The following RALA variants were observed in gnomAD, a reference collection of about 807,000 sequenced individuals.
The protein encoded by RALA is RAS like proto-oncogene A.
In RALA, 5 loss-of-function variants were observed where a neutral mutation model predicts 24.0. The observed-to-expected ratio is 0.21, with a 90% confidence interval of 0.11 to 0.44. The LOEUF (loss-of-function observed/expected upper bound fraction) is 0.44, where lower values mean the gene tolerates loss of function less well. RALA is among the 20% of genes least tolerant of loss of function. The probability of loss-of-function intolerance (pLI) is 0.99; values close to 1 mark genes in which losing one functional copy is unlikely to be tolerated. For missense variants in RALA, 95 were observed against 241.2 expected (o/e 0.39, Z 4.01); for synonymous variants, 77 against 83.8 (o/e 0.92, Z 0.44).
At chr7:39,688,940 C>A (rs1792760072) in intron 2 of RALA, among the ~76,000 whole-genome samples, 1 of 152,138 alleles carries the variant, frequency 6.6e-6, no homozygotes, top group African/African-American at 2.4e-5. Flanking sequence ...AGTGCATCCT[C>A]ACATGTTGGG....
At chr7:39,683,321 T>C (rs1361518637) in intron 1 of RALA, among the ~76,000 whole-genome samples, 1 of 152,130 alleles carries the variant, frequency 6.6e-6, no homozygotes, top group Non-Finnish European at 1.5e-5. Context: ...GTACTTGTTA[T>C]TCCCTGTGTC....
intron 1 of RALA, among the ~76,000 whole-genome samples, chr7:39,644,327 C>T (rs967830366): frequency 1.3e-5 from 2 of 151,950 alleles, no homozygotes; most frequent in African/African-American, 2.4e-5. Flanking sequence ...TTCTTGCAAC[C>T]TTGGTTGAAT....
chr7:39,683,692 A>T (rs148344504), intron 1 of RALA, among the ~76,000 whole-genome samples: 135 of 152,284 alleles, frequency 8.9e-4, no homozygotes, highest in African/African-American at 3.2e-3. Flanking sequence ...TGTGCAGCTC[A>T]TAGTTATTAG....
chr7:39,675,176 G>A (rs1583738265), intron 1 of RALA, among the ~76,000 whole-genome samples: 1 of 152,140 alleles, frequency 6.6e-6, no homozygotes, highest in African/African-American at 2.4e-5. Context: ...GCTGCTCTGT[G>A]GGAATGCTTG....
Position 39,631,882 on chromosome 7 carries a change from T to G in RALA, c.-38+8057T>G, listed in dbSNP as rs1437491187. ...CATAAAGGAAAGAGATTTGTTTGGC[T>G]TACGGTTCTGCAGGCTGTACTGGCA... On this transcript the variant is annotated intron_variant, in intron 1 of 4. Transcript: ENST00000005257. 2.0e-5 allele frequency among the ~76,000 whole-genome samples: 3 copies of G among 152,216 alleles called. No individual in the cohort carries two copies. The South Asian group carries it at 6.2e-4, about 31-fold the overall frequency.
intron 1 of RALA, among the ~76,000 whole-genome samples, chr7:39,627,230 T>G (rs1001234021): frequency 6.6e-6 from 1 of 152,182 alleles, no homozygotes; most frequent in Non-Finnish European, 1.5e-5. Context: ...AAAAAAGAAA[T>G]TAAAGTTCTA....
intron 1 of RALA, among the ~76,000 whole-genome samples, chr7:39,644,168 T>G (rs1791886112): frequency 6.6e-6 from 1 of 152,168 alleles, no homozygotes; most frequent in African/African-American, 2.4e-5. Context: ...TGATTGTTTC[T>G]TATTCATTAT....
At chr7:39,697,629 AAC>A (rs1243244821) in intron 4 of RALA, 2 of 307,528 alleles carry the variant, frequency 6.5e-6, no homozygotes, top group African/African-American at 4.3e-5. Flanking sequence ...AATCTTGATA[AAC>A]ACACATTCTT....
chr7:39,657,982 A>G (rs569752068), intron 1 of RALA, among the ~76,000 whole-genome samples: 1 of 152,286 alleles, frequency 6.6e-6, no homozygotes, highest in South Asian at 2.1e-4. Flanking sequence ...CCTTAAAGAG[A>G]GGGTACTCTT....
At chr7:39,629,543 T>C (rs983597228) in intron 1 of RALA, among the ~76,000 whole-genome samples, 1 of 152,078 alleles carries the variant, frequency 6.6e-6, no homozygotes, top group African/African-American at 2.4e-5. Flanking sequence ...GCCTCCTGAG[T>C]AGCTGGGATT....
chr7:39,626,033 GAAAA>G (rs377032178), intron 1 of RALA, among the ~76,000 whole-genome samples: 510 of 152,268 alleles, frequency 3.3e-3, no homozygotes, highest in African/African-American at 0.011. Context: ...TGTTAATGAG[GAAAA>G]AGACTATGAT....
intron 1 of RALA, among the ~76,000 whole-genome samples, chr7:39,648,196 A>G (rs751729136): frequency 8.5e-5 from 13 of 152,184 alleles, no homozygotes; most frequent in African/African-American, 2.4e-4. Context: ...CTCATTTTAC[A>G]TATCTGAAAA....
chr7:39,704,031 T>C (rs1034876410), intron 4 of RALA, among the ~76,000 whole-genome samples: 1 of 151,716 alleles, frequency 6.6e-6, no homozygotes, highest in Non-Finnish European at 1.5e-5. Context: ...CCAGACATGG[T>C]GGTGCCTGTC....
chr7:39,630,202 C>T (rs1163278456), intron 1 of RALA, among the ~76,000 whole-genome samples: 1 of 146,794 alleles, frequency 6.8e-6, no homozygotes. Context: ...TGCCACCATG[C>T]CTTGCTAATT....
At chr7:39,662,619 T>A (rs1792212426) in intron 1 of RALA, among the ~76,000 whole-genome samples, 1 of 152,170 alleles carries the variant, frequency 6.6e-6, no homozygotes, top group Non-Finnish European at 1.5e-5. Flanking sequence ...AACAAGTTCC[T>A]CATCTCCCAT....
chr7:39,654,107 C>T (rs1349042326), intron 1 of RALA, among the ~76,000 whole-genome samples: 1 of 152,144 alleles, frequency 6.6e-6, no homozygotes, highest in Non-Finnish European at 1.5e-5. Flanking sequence ...ATTTGAACAA[C>T]TTTCTTTACC....
intron 1 of RALA, among the ~76,000 whole-genome samples, chr7:39,645,974 T>C (rs1310477525): frequency 6.6e-6 from 1 of 152,190 alleles, no homozygotes; most frequent in East Asian, 1.9e-4. Context: ...CAAAACAATT[T>C]AAGAAGCATT....
chr7:39,697,677 T>C (rs1428640916), intron 4 of RALA, among the ~76,000 whole-genome samples: 1 of 152,194 alleles, frequency 6.6e-6, no homozygotes, highest in Non-Finnish European at 1.5e-5. Context: ...TCATTTGGTC[T>C]GGAATGGGGC....
At chr7:39,654,104 C>T (rs1792060109) in intron 1 of RALA, among the ~76,000 whole-genome samples, 1 of 152,166 alleles carries the variant, frequency 6.6e-6, no homozygotes. Context: ...TCTATTTGAA[C>T]AACTTTCTTT....
Sources: allele counts gnomAD v4.1 joint callset (sites outside exome capture counted in the v4.1 genomes callset), GRCh38; gene constraint gnomAD v4.1.1; transcripts MANE v1.5; gene names NCBI Gene and HGNC (gene_info 2026-07-23, HGNC 2026-07-21).